The following FSTL5 variants were observed in gnomAD, a reference collection of about 807,000 sequenced individuals.
The protein encoded by FSTL5 is follistatin-related protein 5.
In FSTL5, 62 loss-of-function variants were observed where a neutral mutation model predicts 89.1. The ratio of observed to expected loss-of-function variants is 0.70; its 90% CI spans 0.57 to 0.86. FSTL5 has a LOEUF of 0.86. Ranked by LOEUF, FSTL5 falls within the 40% of genes least tolerant of loss-of-function variation. The pLI, the probability that FSTL5 is intolerant of heterozygous loss-of-function variation, is 0.00. For synonymous variants in FSTL5, 383 were observed against 346.2 expected (o/e 1.11, Z -1.18); for missense variants, 1,057 against 1,001.6 (o/e 1.06, Z -0.75).
intron 15 of FSTL5, among the ~76,000 whole-genome samples, chr4:161,447,068 T>C (rs1011544998): frequency 6.6e-6 from 1 of 152,042 alleles, no homozygotes; most frequent in African/African-American, 2.4e-5. Context: ...AACACTTTGA[T>C]GAGTTAGCAT....
chr4:162,087,834 A>C (rs1052645926), intron 2 of FSTL5, among the ~76,000 whole-genome samples: 3 of 152,178 alleles, frequency 2.0e-5, no homozygotes, highest in Non-Finnish European at 4.4e-5. Context: ...TGACAGAATC[A>C]CTATTTAAGT....
intron 3 of FSTL5, among the ~76,000 whole-genome samples, chr4:161,974,731 C>A (rs1735583483): frequency 8.4e-6 from 1 of 118,722 alleles, no homozygotes; most frequent in Non-Finnish European, 1.7e-5. Flanking sequence ...GCAATGGCAA[C>A]AAAAGCCAAA....
chr4:161,465,528 C>T (rs1733719958), intron 13 of FSTL5, among the ~76,000 whole-genome samples: 1 of 152,088 alleles, frequency 6.6e-6, no homozygotes, highest in Non-Finnish European at 1.5e-5. Flanking sequence ...CACAAGCAAT[C>T]CTCCCACCTC....
At chr4:162,119,981 A>C (rs771852930) in intron 1 of FSTL5, among the ~76,000 whole-genome samples, 4 of 152,134 alleles carry the variant, frequency 2.6e-5, no homozygotes, top group Non-Finnish European at 4.4e-5. Context: ...AGTATGTGGG[A>C]TAAGAATATA....
intron 3 of FSTL5, among the ~76,000 whole-genome samples, chr4:161,923,782 C>T (rs2110872684): frequency 6.6e-6 from 1 of 151,542 alleles, no homozygotes; most frequent in African/African-American, 2.4e-5. Context: ...TCTCTTAAAT[C>T]CTTTCTCTTA....
chr4:162,112,155 T>C (rs894398846), intron 1 of FSTL5, among the ~76,000 whole-genome samples: 1 of 152,202 alleles, frequency 6.6e-6, no homozygotes, highest in Non-Finnish European at 1.5e-5. Flanking sequence ...GCTTTATCAC[T>C]TTCGCCAACA....
chr4:161,687,964 T>A (rs1339558221), intron 6 of FSTL5, among the ~76,000 whole-genome samples: 2 of 152,192 alleles, frequency 1.3e-5, no homozygotes, highest in Non-Finnish European at 2.9e-5. Flanking sequence ...CTCTGCCATG[T>A]GTAGACACAG....
At chr4:162,100,483 C>T (rs1230142239) in intron 2 of FSTL5, among the ~76,000 whole-genome samples, 1 of 152,104 alleles carries the variant, frequency 6.6e-6, no homozygotes, top group Non-Finnish European at 1.5e-5. Flanking sequence ...AGGGTATATA[C>T]TGTATGATTC....
chr4:161,468,908 T>A (rs909149119), intron 13 of FSTL5, among the ~76,000 whole-genome samples: 32 of 152,172 alleles, frequency 2.1e-4, no homozygotes, highest in Non-Finnish European at 3.7e-4. Flanking sequence ...ATTTTTTTCA[T>A]TTTTTAAAAC....
At chr4:161,978,679 T>C (rs2111040213) in intron 3 of FSTL5, among the ~76,000 whole-genome samples, 1 of 152,258 alleles carries the variant, frequency 6.6e-6, no homozygotes, top group African/African-American at 2.4e-5. Flanking sequence ...AATTTCACCA[T>C]TACGGCTCCC....
chr4:162,009,163 C>A (rs556867866), intron 3 of FSTL5, among the ~76,000 whole-genome samples: 35 of 152,108 alleles, frequency 2.3e-4, no homozygotes, highest in Admixed American at 6.5e-4. Flanking sequence ...CCTTGTCCAC[C>A]TTTTAGGATA....
rs545443752 is a variant in FSTL5, at chr4:161,544,247, T to A, written c.1016-1554A>T. ...GATAAACAAAAATCAGAAAATAACA[T>A]GTTGTTGATTGAGTATGTGGAGAAA... On this transcript the variant is annotated intron_variant, in intron 8 of 15. Transcript: ENST00000306100. Among the ~76,000 whole-genome samples, 13 of 150,508 alleles carry A rather than the reference T, an allele frequency of 8.6e-5. 1 individual carries two copies. The South Asian group carries it at 2.8e-3, about 32-fold the overall frequency.
chr4:161,998,450 A>T (rs1258069085), intron 3 of FSTL5, among the ~76,000 whole-genome samples: 1 of 152,032 alleles, frequency 6.6e-6, no homozygotes, highest in East Asian at 1.9e-4. Context: ...ACATTGACCA[A>T]TCTTCCCCTT....
At chr4:161,436,890 C>T (rs75270464) in intron 15 of FSTL5, among the ~76,000 whole-genome samples, 1 of 152,096 alleles carries the variant, frequency 6.6e-6, no homozygotes, top group Admixed American at 6.5e-5. Context: ...GTAACTTCTA[C>T]GAGTATATTC....
At chr4:162,012,515 AC>A (rs1736798027) in intron 3 of FSTL5, among the ~76,000 whole-genome samples, 2 of 152,172 alleles carry the variant, frequency 1.3e-5, no homozygotes, top group African/African-American at 4.8e-5. Context: ...GTATTTCAAA[AC>A]ATTCCTAGTA....
chr4:161,821,039 G>C (rs542258351), intron 4 of FSTL5, among the ~76,000 whole-genome samples: 1 of 150,858 alleles, frequency 6.6e-6, no homozygotes, highest in Non-Finnish European at 1.5e-5. Flanking sequence ...AGTTTTCTTT[G>C]TTTGTTTGTT....
At chr4:161,977,063 T>G (rs891735694) in intron 3 of FSTL5, among the ~76,000 whole-genome samples, 4 of 152,168 alleles carry the variant, frequency 2.6e-5, no homozygotes, top group African/African-American at 9.6e-5. Context: ...TGTACAAATA[T>G]TTCATGACAT....
At chr4:161,386,796 C>T (rs571899229) in intron 15 of FSTL5, 1 of 181,764 alleles carries the variant, frequency 5.5e-6, no homozygotes, top group East Asian at 1.4e-4. Flanking sequence ...ATTAAATAAG[C>T]TTGGTTAACT....
At chr4:161,588,814 AT>A (rs1468667908) in intron 7 of FSTL5, among the ~76,000 whole-genome samples, 2 of 152,114 alleles carry the variant, frequency 1.3e-5, no homozygotes, top group Non-Finnish European at 2.9e-5. Context: ...GAAAATCATC[AT>A]TCTAGAAGAC....
Sources: gnomAD v4.1 joint callset for allele counts (sites outside exome capture counted in the v4.1 genomes callset) on GRCh38, gnomAD v4.1.1 for gene constraint, MANE v1.5 for transcripts, NCBI Gene and HGNC (gene_info 2026-07-23, HGNC 2026-07-21) for gene names.